Variants in EEFSEC observed in about 807,000 individuals in gnomAD.
The protein encoded by EEFSEC is selenocysteine-specific elongation factor.
In EEFSEC, 43 loss-of-function variants were observed where a neutral mutation model predicts 42.1. That is an observed-to-expected ratio of 1.02 (90% confidence interval 0.80 to 1.32). The LOEUF (loss-of-function observed/expected upper bound fraction) is 1.32, where lower values mean the gene tolerates loss of function less well. Among genes scored for constraint, EEFSEC ranks in the 40% most tolerant of loss-of-function variants. The pLI, the probability that EEFSEC is intolerant of heterozygous loss-of-function variation, is 0.00. For missense variants in EEFSEC, 745 were observed against 803.6 expected (o/e 0.93, Z 0.88); for synonymous variants, 354 against 339.1 (o/e 1.04, Z -0.48).
intron 6 of EEFSEC, among the ~76,000 whole-genome samples, chr3:128,394,172 C>A (rs2067951920): frequency 6.6e-6 from 1 of 152,238 alleles, no homozygotes; most frequent in African/African-American, 2.4e-5. Context: ...TGTACCCACG[C>A]TCACCCTGGG....
chr3:128,196,405 G>GC (rs1367999558), intron 1 of EEFSEC, among the ~76,000 whole-genome samples: 3 of 152,170 alleles, frequency 2.0e-5, no homozygotes, highest in African/African-American at 7.2e-5. Context: ...AAATACAGTG[G>GC]CCCTTTATAT....
chr3:128,352,304 A>C (rs909560099), intron 5 of EEFSEC, among the ~76,000 whole-genome samples: 1 of 152,244 alleles, frequency 6.6e-6, no homozygotes, highest in African/African-American at 2.4e-5. Context: ...CCTTCTGATT[A>C]AATGAGGTTT....
At chr3:128,211,616 A>G (rs9838120) in intron 1 of EEFSEC, among the ~76,000 whole-genome samples, 106,832 of 151,204 alleles carry the variant, frequency 0.71, 37,968 homozygotes, top group East Asian at 0.89. Flanking sequence ...CCCTGGTTCA[A>G]GTGATTCCCA....
intron 4 of EEFSEC, among the ~76,000 whole-genome samples, chr3:128,329,389 G>A (rs927234665): frequency 6.6e-5 from 10 of 151,694 alleles, no homozygotes; most frequent in South Asian, 2.1e-4. Context: ...TGCCAGGGAC[G>A]GAGATTAGTG....
intron 1 of EEFSEC, among the ~76,000 whole-genome samples, chr3:128,169,223 T>G (rs1328560669): frequency 6.6e-6 from 1 of 152,208 alleles, no homozygotes; most frequent in Non-Finnish European, 1.5e-5. Context: ...GAAGCTAAAC[T>G]GTGGCACAAA....
At chr3:128,397,629 C>T (rs72977384) in intron 6 of EEFSEC, among the ~76,000 whole-genome samples, 1,790 of 152,362 alleles carry the variant, frequency 0.012, 30 homozygotes, top group African/African-American at 0.041. Context: ...ACCTCAGCCC[C>T]GCCCAGGGCC....
At position 128,244,366 on chromosome 3, in the gene EEFSEC, C is replaced by T. The variant is rs373438337; in HGVS notation, c.317-2470C>T. 1.8e-3 allele frequency among the ~76,000 whole-genome samples: 276 copies of T among 152,158 alleles called. 1 individual carries two copies. In the Middle Eastern group the frequency reaches 0.051, roughly 28 times the overall value. On this transcript the variant is annotated intron_variant, in intron 1 of 6. Coordinates refer to ENST00000254730, the MANE Select transcript of EEFSEC (RefSeq NM_021937.5). Reference sequence around the variant, plus strand: ...GGCCATGGAGAGAGGGCGAAAAGCCCAGGAAAGGGTTTGTGGAGCACACAG... The same window carrying T: ...GGCCATGGAGAGAGGGCGAAAAGCCTAGGAAAGGGTTTGTGGAGCACACAG...
At chr3:128,366,070 A>G (rs2067586617) in intron 6 of EEFSEC, among the ~76,000 whole-genome samples, 1 of 152,220 alleles carries the variant, frequency 6.6e-6, no homozygotes, top group Non-Finnish European at 1.5e-5. Context: ...GTCAGGGCCT[A>G]AGTCCCAGAA....
chr3:128,213,877 C>T (rs1576550169), intron 1 of EEFSEC, among the ~76,000 whole-genome samples: 1 of 151,940 alleles, frequency 6.6e-6, no homozygotes, highest in Non-Finnish European at 1.5e-5. Flanking sequence ...CAAGACTCTC[C>T]AAGAATGTCA....
chr3:128,362,840 G>A (rs2067544946), intron 6 of EEFSEC, among the ~76,000 whole-genome samples: 2 of 152,090 alleles, frequency 1.3e-5, no homozygotes, highest in African/African-American at 4.8e-5. Context: ...AGCTCAAAAG[G>A]GTACTCATAT....
At chr3:128,337,816 ATGGGG>A (rs1307686702) in intron 4 of EEFSEC, among the ~76,000 whole-genome samples, 5 of 152,224 alleles carry the variant, frequency 3.3e-5, no homozygotes, top group African/African-American at 1.2e-4. Flanking sequence ...ACGTGTATCA[ATGGGG>A]TGTCTTGGGC....
chr3:128,375,163 C>T (rs897073233), intron 6 of EEFSEC, among the ~76,000 whole-genome samples: 1 of 152,194 alleles, frequency 6.6e-6, no homozygotes, highest in African/African-American at 2.4e-5. Context: ...GTGCCTGGAC[C>T]CTTAGAACTG....
intron 1 of EEFSEC, among the ~76,000 whole-genome samples, chr3:128,178,230 A>C (rs1020114644): frequency 6.6e-6 from 1 of 152,234 alleles, no homozygotes; most frequent in African/African-American, 2.4e-5. Flanking sequence ...CTTTTAGGAA[A>C]ATTTGAAATA....
chr3:128,259,708 A>T (rs1279720337), intron 2 of EEFSEC, among the ~76,000 whole-genome samples: 2 of 152,164 alleles, frequency 1.3e-5, no homozygotes, highest in South Asian at 2.1e-4. Context: ...TTATGGACTT[A>T]CCTATTCTGG....
chr3:128,222,598 G>C (rs1266297032), intron 1 of EEFSEC, among the ~76,000 whole-genome samples: 1 of 151,996 alleles, frequency 6.6e-6, no homozygotes, highest in African/African-American at 2.4e-5. Flanking sequence ...TTATTGTCTT[G>C]CTCTACCATA....
At chr3:128,228,622 C>G (rs1174518434) in intron 1 of EEFSEC, among the ~76,000 whole-genome samples, 1 of 152,062 alleles carries the variant, frequency 6.6e-6, no homozygotes, top group Non-Finnish European at 1.5e-5. Context: ...CCCTCACTCT[C>G]TTCTCCACAG....
intron 2 of EEFSEC, among the ~76,000 whole-genome samples, chr3:128,257,312 G>A (rs1350439320): frequency 1.5e-4 from 23 of 152,196 alleles, no homozygotes; most frequent in Admixed American, 1.4e-3. Flanking sequence ...TCTGTTGTGA[G>A]TATTTGAACA....
At chr3:128,270,231 C>T (rs984597675) in intron 4 of EEFSEC, among the ~76,000 whole-genome samples, 3 of 152,162 alleles carry the variant, frequency 2.0e-5, no homozygotes, top group African/African-American at 7.2e-5. Context: ...ATATTATTCT[C>T]ATGTAGAATT....
intron 6 of EEFSEC, among the ~76,000 whole-genome samples, chr3:128,405,114 TCATGC>T (rs1465140919): frequency 6.6e-6 from 1 of 152,112 alleles, no homozygotes; most frequent in East Asian, 1.9e-4. Context: ...CCTCCCTGGT[TCATGC>T]CATTCTCCTA....
Sources: allele counts gnomAD v4.1 joint callset (sites outside exome capture counted in the v4.1 genomes callset), GRCh38; gene constraint gnomAD v4.1.1; transcripts MANE v1.5; gene names NCBI Gene and HGNC (gene_info 2026-07-23, HGNC 2026-07-21).